Variants in TPRG1 observed in about 807,000 individuals in gnomAD.
TPRG1 encodes tumor protein p63 regulated 1, also known as tumor protein p63-regulated gene 1 protein.
Under a neutral mutation model 29.3 loss-of-function variants are expected in TPRG1, and 29 were observed. That is an observed-to-expected ratio of 0.99 (90% CI 0.74 to 1.35). The LOEUF is 1.35. TPRG1 is among the 40% of genes most tolerant of loss of function. TPRG1 has a pLI of 0.00. For missense variants in TPRG1, 327 were observed against 335.0 expected, an observed-to-expected ratio of 0.98 and a Z score of 0.19; for synonymous variants, 130 against 116.8, an observed-to-expected ratio of 1.11 and a Z score of -0.73.
intron 4 of TPRG1, among the ~76,000 whole-genome samples, chr3:189,048,250 G>A (rs1715095601): frequency 2.0e-5 from 3 of 152,178 alleles, no homozygotes; most frequent in African/African-American, 7.2e-5. Context: ...GGATGCCTAA[G>A]TGCATTGTCA....
rs1724339523 is a variant in TPRG1 at position 189,321,778 on chromosome 3, A to T, written c.*958A>T. ...AAGAAATCTTTTGTAGAAGCAGCAT[A>T]TACGAAGCAGATAAAAGTAGGTTCA... On this transcript the variant is annotated 3_prime_UTR_variant, in exon 6 of 6. Coordinates refer to ENST00000345063, the MANE Select transcript of TPRG1 (RefSeq NM_198485.4). 1 of 152,170 alleles carries T rather than the reference A, an allele frequency of 6.6e-6. No individual in the cohort carries two copies. Among genetic ancestry groups the T allele is most frequent in the African/African-American group, 2.4e-5 (1 of 41,438 alleles). 9.4% of individuals were successfully genotyped at this position (152,170 alleles called of 1,614,324 possible).
intron 4 of TPRG1, among the ~76,000 whole-genome samples, chr3:189,251,423 C>T (rs574324716): frequency 2.8e-4 from 42 of 151,916 alleles, no homozygotes; most frequent in African/African-American, 8.9e-4. Flanking sequence ...TTAGGTGGAA[C>T]GAGAGACTTG....
intron 4 of TPRG1, 119 bp downstream of exon 4, chr3:189,239,028 T>A (rs769483682): frequency 1.7e-5 from 14 of 822,568 alleles, no homozygotes; most frequent in Non-Finnish European, 2.5e-5. Flanking sequence ...GATAGTGAAA[T>A]CATGAAAGTT....
chr3:189,017,319 A>G (rs1307342947), intron 3 of TPRG1, among the ~76,000 whole-genome samples: 3 of 151,834 alleles, frequency 2.0e-5, no homozygotes, highest in African/African-American at 4.8e-5. Flanking sequence ...ATGCTGGTGC[A>G]CTGCCCCCAC....
At chr3:189,313,160 C>G (rs1299036488) in intron 5 of TPRG1, 1 of 151,992 alleles carries the variant, frequency 6.6e-6, no homozygotes, top group Non-Finnish European at 1.5e-5. Flanking sequence ...TGATCTCCAT[C>G]TGGAATGTGA....
At chr3:189,219,789 T>C in intron 3 of TPRG1, 3 of 1,081,692 alleles carry the variant, frequency 2.8e-6, no homozygotes, top group Non-Finnish European at 2.3e-6. Context: ...TTATTCCTCA[T>C]TGAGAGTAGT....
intron 1 of TPRG1, among the ~76,000 whole-genome samples, chr3:189,182,287 C>A (rs1165088600): frequency 6.6e-6 from 1 of 152,194 alleles, no homozygotes; most frequent in Non-Finnish European, 1.5e-5. Flanking sequence ...TCAATAGTAT[C>A]TGCAATGAAG....
chr3:189,164,109 GT>G (rs1228403950), intron 5 of TPRG1, among the ~76,000 whole-genome samples: 1 of 152,024 alleles, frequency 6.6e-6, no homozygotes, highest in African/African-American at 2.4e-5. Flanking sequence ...CTTTTATAAT[GT>G]GAACAATTGT....
chr3:189,253,455 A>G (rs886131466), intron 4 of TPRG1, among the ~76,000 whole-genome samples: 1 of 152,218 alleles, frequency 6.6e-6, no homozygotes, highest in Admixed American at 6.5e-5. Flanking sequence ...GCTGCATAGT[A>G]GTCCATGGTG....
At chr3:189,239,038 T>G (rs1740049493) in intron 4 of TPRG1, 129 bp downstream of exon 4, 1 of 731,458 alleles carries the variant, frequency 1.4e-6, no homozygotes. Flanking sequence ...TCATGAAAGT[T>G]GAAATCATTA....
intron 4 of TPRG1, among the ~76,000 whole-genome samples, chr3:189,038,273 A>G (rs931118647): frequency 2.6e-5 from 4 of 152,108 alleles, no homozygotes; most frequent in African/African-American, 9.6e-5. Flanking sequence ...TTTGCCTGTG[A>G]AAATTTTACT....
At chr3:189,134,403 CTTTTTT>C (rs56318082) in intron 3 of TPRG1, among the ~76,000 whole-genome samples, 15 of 121,188 alleles carry the variant, frequency 1.2e-4, no homozygotes, top group African/African-American at 3.6e-4. Context: ...TGGGGGTATC[CTTTTTT>C]TTTTTTTTTT....
chr3:189,176,261 G>A (rs1185863958), intron 1 of TPRG1, among the ~76,000 whole-genome samples: 2 of 152,180 alleles, frequency 1.3e-5, no homozygotes, highest in African/African-American at 4.8e-5. Context: ...GTATGTAGGT[G>A]ATGTGACACA....
Position 189,251,152 on chromosome 3 carries a change from A to T in TPRG1, c.479+12243A>T, listed in dbSNP as rs563520695. Among the ~76,000 whole-genome samples the T allele has an allele frequency of 6.1e-4, 91 of 150,030 alleles. 1 individual carries two copies. The highest frequency in any genetic ancestry group is 1.5e-3 in the Admixed American group (23 of 15,080). On this transcript the variant is annotated intron_variant, in intron 4 of 5. Transcript: ENST00000345063. ...TCCTTTCTCTTCTTCCTTCCTCTCC[A>T]TGTGCTCCTCTCTGTTACTGTAACT...
chr3:189,164,158 T>A (rs983208873), intron 5 of TPRG1, among the ~76,000 whole-genome samples: 5 of 152,062 alleles, frequency 3.3e-5, no homozygotes, highest in African/African-American at 9.7e-5. Flanking sequence ...TGAGTTTTAC[T>A]CTTTTTCTTT....
intron 4 of TPRG1, among the ~76,000 whole-genome samples, chr3:189,303,029 T>C (rs1460730111): frequency 1.3e-5 from 2 of 152,204 alleles, no homozygotes; most frequent in Admixed American, 1.3e-4. Context: ...GCAAATAGTC[T>C]GACTCTTCAT....
intron 4 of TPRG1, among the ~76,000 whole-genome samples, chr3:189,031,267 G>A (rs960873357): frequency 2.7e-5 from 4 of 148,418 alleles, no homozygotes; most frequent in African/African-American, 4.9e-5. Flanking sequence ...CTCCAGCCTG[G>A]GCGACAGAGC....
chr3:189,308,279 A>G (rs1577025657), intron 4 of TPRG1, among the ~76,000 whole-genome samples: 1 of 152,194 alleles, frequency 6.6e-6, no homozygotes, highest in Non-Finnish European at 1.5e-5. Context: ...GGACTCCCGG[A>G]CATCCAGCTC....
At chr3:189,317,476 G>T (rs376909551) in intron 5 of TPRG1, among the ~76,000 whole-genome samples, 1 of 152,132 alleles carries the variant, frequency 6.6e-6, no homozygotes, top group Non-Finnish European at 1.5e-5. Context: ...CATTCACAGC[G>T]TGTATACAAA....
Sources: gnomAD v4.1 joint callset for allele counts (sites outside exome capture counted in the v4.1 genomes callset) on GRCh38, gnomAD v4.1.1 for gene constraint, MANE v1.5 for transcripts, NCBI Gene and HGNC (gene_info 2026-07-23, HGNC 2026-07-21) for gene names.